Variants in FKBP14 observed in about 807,000 individuals in gnomAD.
FKBP14 encodes peptidyl-prolyl cis-trans isomerase FKBP14.
Under a neutral mutation model 21.6 loss-of-function variants are expected in FKBP14, and 20 were observed. The ratio of observed to expected loss-of-function variants is 0.92; its 90% CI spans 0.65 to 1.34. The LOEUF is 1.34. FKBP14 is among the 40% of genes most tolerant of loss of function. The probability of loss-of-function intolerance (pLI) is 0.00; values close to 1 mark genes in which losing one functional copy is unlikely to be tolerated. For missense variants in FKBP14, 253 were observed against 249.0 expected, an observed-to-expected ratio of 1.02 and a Z score of -0.11; for synonymous variants, 79 against 86.7, an observed-to-expected ratio of 0.91 and a Z score of 0.49.
At position 30,026,393 on chromosome 7, in the gene FKBP14, T is replaced by A. The variant is rs778007431; in HGVS notation, c.116A>T (p.His39Leu). 1 of 1,614,110 alleles carries A rather than the reference T, an allele frequency of 6.2e-7. No individual in the cohort carries two copies. ...IEVLQKPFIC[H>L]RKTKGGDLML... is the part of the protein sequence containing the mutation. The stretch of plus-strand genomic sequence containing the variant: ...CAAATCCCCTCCTTTGGTCTTGCGA[T>A]GGCAGATGAATGGCTTCTGGAGAAC... The change falls in exon 1 of 4, where the codon CAT (histidine) becomes CTT (leucine). Residue 39 changes from histidine (H) to leucine (L), a missense_variant. Physicochemically the swap from His to Leu is moderately conservative, Grantham distance 99 (BLOSUM62 -3). Transcript: ENST00000222803.
At chr7:30,009,511 G>A (rs1490445286), downstream of FKBP14, among the ~76,000 whole-genome samples, 1 of 152,100 alleles carries the variant, frequency 6.6e-6, no homozygotes, top group Non-Finnish European at 1.5e-5. Flanking sequence ...GGGAGTACAG[G>A]CATGAGCCAC....
rs1562835382 is a variant in FKBP14, at chr7:30,013,826, C to T, written c.*909G>A. On this transcript the variant is annotated 3_prime_UTR_variant, in exon 4 of 4. Transcript: ENST00000222803. ...CCAATCACTAGGAGCCAAGCTTCAT[C>T]AGCTTAAGTCCTAGGTAGCATGTCT... The T allele has an allele frequency of 6.6e-6, 1 of 152,154 alleles. No individual in the cohort carries two copies. The highest frequency in any genetic ancestry group is 1.5e-5 in the Non-Finnish European group (1 of 68,026). 9.4% of individuals were successfully genotyped at this position (152,154 alleles called of 1,614,324 possible). A position where few individuals can be genotyped will look rare whatever the true frequency, so the allele number is the denominator to read the frequency against.
At chr7:30,007,355 A>G (rs572661723), downstream of FKBP14, among the ~76,000 whole-genome samples, 2 of 152,136 alleles carry the variant, frequency 1.3e-5, no homozygotes, top group South Asian at 2.1e-4. Flanking sequence ...GACTACAAGC[A>G]TGCACCACCA....
chr7:30,010,317 C>T (rs1789691802), downstream of FKBP14, among the ~76,000 whole-genome samples: 1 of 152,184 alleles, frequency 6.6e-6, no homozygotes, highest in Non-Finnish European at 1.5e-5. Flanking sequence ...ACCAAAAACA[C>T]TTTCTTCAGT....
At chr7:30,020,988 G>A (rs4722966) in intron 2 of FKBP14, among the ~76,000 whole-genome samples, 8,135 of 152,266 alleles carry the variant, frequency 0.053, 370 homozygotes, top group Admixed American at 0.14. Context: ...TCAGGAAATG[G>A]GCTGTGAATC....
chr7:30,026,535 TA>T lies in FKBP14; in HGVS notation c.-28del. On this transcript the variant is annotated 5_prime_UTR_variant, in exon 1 of 4. It removes the in-frame stop codon of an upstream open reading frame in the 5' UTR. Transcript: ENST00000222803. ...TTGCTGAAGCAAGGAAAGAAGTCCC[TA>T]CAAAAGCAGCGAAAGGTCCCTCGAC... is the stretch of plus-strand genomic sequence containing the variant. The T allele has an allele frequency of 6.3e-7, 1 of 1,585,102 alleles. No individual in the cohort carries two copies. The highest frequency in any genetic ancestry group is 8.6e-7 in the Non-Finnish European group (1 of 1,167,158).
At position 30,013,140 on chromosome 7, in the gene FKBP14, TTAAA is replaced by T. The variant is rs1451951337; in HGVS notation, c.*1591_*1594del. 6.6e-6 allele frequency: 1 copy of T among 152,002 alleles called. No individual in the cohort carries two copies. Among genetic ancestry groups the T allele is most frequent in the Non-Finnish European group, 1.5e-5 (1 of 68,016 alleles). 9.4% of individuals were successfully genotyped at this position (152,002 alleles called of 1,614,324 possible). On this transcript the variant is annotated 3_prime_UTR_variant, in exon 4 of 4. Coordinates refer to ENST00000222803, the MANE Select transcript of FKBP14 (RefSeq NM_017946.4). ...CTTAGAAAATGAAGATTTGATAACTTTAAAAAAAAGAATTAAAGATAAAAGCCAA... is the reference window on the plus strand; with the variant it reads ...CTTAGAAAATGAAGATTTGATAACTTAAAAAGAATTAAAGATAAAAGCCAA...
At chr7:30,018,041 A>G (rs1055493338) in intron 3 of FKBP14, among the ~76,000 whole-genome samples, 15 of 149,962 alleles carry the variant, frequency 1.0e-4, no homozygotes, top group African/African-American at 3.7e-4. Flanking sequence ...AAATAAATAA[A>G]TAAATAGATT....
At chr7:30,014,990 C>T (rs535457903) in intron 3 of FKBP14, 97 bp from the exon 4 acceptor site, 2 of 682,144 alleles carry the variant, frequency 2.9e-6, no homozygotes, top group African/African-American at 1.8e-5. Flanking sequence ...ATATTTAGTT[C>T]ATTAACTAAA....
intron 2 of FKBP14, chr7:30,020,330 T>G (rs1261784694): frequency 1.7e-6 from 2 of 1,195,018 alleles, no homozygotes; most frequent in African/African-American, 3.2e-5. Flanking sequence ...TAAATACAGA[T>G]TAGAAAAATT....
chr7:30,023,156 A>G lies in FKBP14; in HGVS notation c.198-340T>C, dbSNP rs117177013. Among the ~76,000 whole-genome samples, 10 of 152,338 alleles carry G rather than the reference A, an allele frequency of 6.6e-5. No homozygotes were observed. In the East Asian group the frequency reaches 1.5e-3, roughly 23 times the overall value. ...TTAACCCTTACAATAAGTCTATAAT[A>G]TAAGTACCATTACTACCCCATTGCA... On this transcript the variant is annotated intron_variant, in intron 1 of 3. Coordinates refer to ENST00000222803, the MANE Select transcript of FKBP14 (RefSeq NM_017946.4).
rs893146592 is a variant in FKBP14 at position 30,012,297 on chromosome 7, G to C, written c.*2438C>G. The C allele has an allele frequency of 6.6e-6, 1 of 152,206 alleles. No homozygotes were observed. The highest frequency in any genetic ancestry group is 2.4e-5 in the African/African-American group (1 of 41,456). 9.4% of individuals were successfully genotyped at this position (152,206 alleles called of 1,614,324 possible). On this transcript the variant is annotated 3_prime_UTR_variant, in exon 4 of 4. Transcript: ENST00000222803. ...TACTTGTGTCCAAATGTTTAGATGA[G>C]AACTGATACAAATTCACAGGTTTTT...
At position 30,019,908 on chromosome 7, in the gene FKBP14, T is replaced by A. The variant is rs567746111; in HGVS notation, c.350-785A>T. On this transcript the variant is annotated intron_variant, in intron 2 of 3. Transcript: ENST00000222803. ...GAACATTATATATATGTTGAAGACA[T>A]TTCATGGGAGGGGAGAAATTAAAAT... is the stretch of plus-strand genomic sequence containing the variant. Among the ~76,000 whole-genome samples, 31 of 150,558 alleles carry A rather than the reference T, an allele frequency of 2.1e-4. No individual in the cohort carries two copies. In the South Asian group the frequency reaches 4.0e-3, roughly 19 times the overall value.
intron 2 of FKBP14, 140 bp downstream of exon 2, chr7:30,022,525 A>G (rs1256729184): frequency 6.4e-6 from 5 of 779,744 alleles, no homozygotes; most frequent in East Asian, 2.7e-5. Context: ...TACTCAAGAC[A>G]TAATACAGTT....
intron 1 of FKBP14, among the ~76,000 whole-genome samples, chr7:30,024,601 T>C (rs1790124116): frequency 1.3e-5 from 2 of 152,208 alleles, no homozygotes; most frequent in Admixed American, 1.3e-4. Flanking sequence ...TTTCACCATG[T>C]TGGCCAGGAT....
chr7:30,015,269 T>G (rs1183247860), intron 3 of FKBP14, among the ~76,000 whole-genome samples: 4 of 151,758 alleles, frequency 2.6e-5, no homozygotes, highest in Non-Finnish European at 5.9e-5. Flanking sequence ...CAAAAAAAAG[T>G]TAGCCAGGCA....
intron 2 of FKBP14, 154 bp downstream of exon 2, chr7:30,022,511 T>A (rs1055710039): frequency 1.5e-6 from 1 of 670,148 alleles, no homozygotes. Context: ...GCCATTTCAA[T>A]TGATACTCAA....
At position 30,013,070 on chromosome 7, in the gene FKBP14, A is replaced by T. The variant is rs191020625; in HGVS notation, c.*1665T>A. ...TGACTCAGAGCCATGAAAAGCGAAG[A>T]TAATAATGCACTTAATATCATTTTG... On this transcript the variant is annotated 3_prime_UTR_variant, in exon 4 of 4. Transcript: ENST00000222803. The T allele has an allele frequency of 2.6e-4, 40 of 152,340 alleles. No homozygotes were observed. Among genetic ancestry groups the T allele is most frequent in the Non-Finnish European group, 2.8e-4 (19 of 68,032 alleles). 9.4% of individuals were successfully genotyped at this position (152,340 alleles called of 1,614,324 possible).
At chr7:30,008,011 T>C (rs1407776607), downstream of FKBP14, among the ~76,000 whole-genome samples, 2 of 152,102 alleles carry the variant, frequency 1.3e-5, no homozygotes. Flanking sequence ...ATTGTGCCAC[T>C]GCACTCTAGC....
Sources: allele counts gnomAD v4.1 joint callset (sites outside exome capture counted in the v4.1 genomes callset), GRCh38; gene constraint gnomAD v4.1.1; transcripts MANE v1.5; gene names NCBI Gene and HGNC (gene_info 2026-07-23, HGNC 2026-07-21).